LIG1: variants seen among roughly 807,000 people sequenced by gnomAD.
LIG1 encodes the protein DNA ligase 1, also known as ligase I, DNA, ATP-dependent.
Under a neutral mutation model 115.7 loss-of-function variants are expected in LIG1, and 70 were observed. That is an observed-to-expected ratio of 0.60 (90% confidence interval 0.50 to 0.74). The LOEUF (loss-of-function observed/expected upper bound fraction) is 0.74. Ranked by LOEUF, LIG1 falls within the 30% of genes least tolerant of loss-of-function variation. The probability of loss-of-function intolerance (pLI) is 0.00; values close to 1 mark genes in which losing one functional copy is unlikely to be tolerated. For missense variants in LIG1, 1,115 were observed against 1,225.6 expected (o/e 0.91, Z 1.35); for synonymous variants, 487 against 495.3 (o/e 0.98, Z 0.22).
intron 21 of LIG1, among the ~76,000 whole-genome samples, chr19:48,125,891 G>C (rs1241209622): frequency 6.6e-6 from 1 of 151,454 alleles, no homozygotes; most frequent in Non-Finnish European, 1.5e-5. Flanking sequence ...GGGAGGCTGA[G>C]GCAGGGGAAT....
At position 48,153,923 on chromosome 19, in the gene LIG1, C is replaced by G. The variant is rs768688182; in HGVS notation, c.415G>C (p.Glu139Gln). The change falls in exon 6 of 28, where the codon GAG becomes CAG. Residue 139 changes from glutamate (E) to glutamine (Q), a missense_variant. By Grantham distance (29) the Glu-to-Gln change is conservative. Transcript: ENST00000263274. ...PKRTIQEVLE[E>Q]QSEDEDREAK... is the part of the protein sequence containing the mutation. ...TCTCTGTCCTCGTCCTCACTCTGCT[C>G]TTCCAGGACTTCCTGAATGGTCCGT... The G allele has an allele frequency of 6.2e-7, 1 of 1,613,204 alleles. No individual in the cohort carries two copies. Among genetic ancestry groups the G allele is most frequent in the Admixed American group, 1.7e-5 (1 of 59,872 alleles).
At chr19:48,151,083 C>T (rs2122852971) in intron 7 of LIG1, 149 bp downstream of exon 7, 1 of 585,916 alleles carries the variant, frequency 1.7e-6, no homozygotes, top group Non-Finnish European at 3.1e-6. Flanking sequence ...AAAAAAAACC[C>T]GAGTAATAAA....
Position 48,136,071 on chromosome 19 carries a change from G to A in LIG1, c.1386C>T (p.Ala462=), listed in dbSNP as rs772935510. Residue 462 remains alanine, a synonymous_variant, in exon 15 of 28, where the codon GCC becomes GCT. Coordinates refer to ENST00000263274, the MANE Select transcript of LIG1 (RefSeq NM_000234.3). ...LGLAEQSVLA[A]LSQAVSLTPP... ...GCGTGAGGCTCACTGCCTGGGAGAG[G>A]GCAGCCAGCACCGACTGCTCTGCCA... 91 of 1,572,426 alleles carry A rather than the reference G, an allele frequency of 5.8e-5. No homozygotes were observed. The highest frequency in any genetic ancestry group is 7.6e-5 in the Non-Finnish European group (88 of 1,159,502).
At chr19:48,148,046 C>T (rs1698492772) in intron 9 of LIG1, among the ~76,000 whole-genome samples, 1 of 145,414 alleles carries the variant, frequency 6.9e-6, no homozygotes, top group Non-Finnish European at 1.5e-5. Flanking sequence ...TGGGGACACG[C>T]ACCTCCTCTC....
intron 5 of LIG1, among the ~76,000 whole-genome samples, chr19:48,154,828 T>G (rs1194573871): frequency 6.6e-6 from 1 of 152,212 alleles, no homozygotes; most frequent in Non-Finnish European, 1.5e-5. Flanking sequence ...TGTCTCTCCC[T>G]GCTCAAAACC....
At position 48,143,610 on chromosome 19, in the gene LIG1, A is replaced by C. The variant is rs1272016433; in HGVS notation, c.858-11T>G. The C allele has an allele frequency of 1.2e-6, 2 of 1,608,930 alleles. No homozygotes were observed. The highest frequency in any genetic ancestry group is 2.7e-5 in the African/African-American group (2 of 74,396). On this transcript the variant is annotated splice_polypyrimidine_tract_variant and intron_variant, in intron 10 of 27. Coordinates refer to ENST00000263274, the MANE Select transcript of LIG1 (RefSeq NM_000234.3). ...GCCAGGTAAGGAACCCTAGGGAAGG[A>C]AAAGAGACGCAAGAGTGACAGTGGT... is the stretch of plus-strand genomic sequence containing the variant.
At position 48,143,506 on chromosome 19, in the gene LIG1, GACCCCGCCCCCCACCCA is replaced by G; in HGVS notation, c.914+20_914+36del. ...CCATGCAGAGGACAGACCCAGAAGC[GACCCCGCCCCCCACCCA>G]GGCAGTCCTCATTAGTTACCGAGCA... On this transcript the variant is annotated intron_variant, in intron 11 of 27. Transcript: ENST00000263274. 2.2e-6 allele frequency: 2 copies of G among 898,150 alleles called. No homozygotes were observed. Among genetic ancestry groups the G allele is most frequent in the Non-Finnish European group, 3.7e-6 (2 of 535,714 alleles). The allele number at this position is 898,150 out of a possible 1,614,324, so 55.6% of individuals were successfully genotyped here.
Position 48,153,941 on chromosome 19 carries a change from T to C in LIG1, c.397A>G (p.Ile133Val), listed in dbSNP as rs1191911530. The part of the protein sequence containing the change: ...TARKQLPKRT[I>V]QEVLEEQSED... ...CTCTGCTCTTCCAGGACTTCCTGAA[T>C]GGTCCGTTTCGGGAGCTGCTTCCGA... Residue 133 changes from isoleucine to valine, a missense_variant, in exon 6 of 28, where the codon ATT becomes GTT. Physicochemically the swap from Ile to Val is conservative, Grantham distance 29 (BLOSUM62 3). Coordinates refer to ENST00000263274, the MANE Select transcript of LIG1 (RefSeq NM_000234.3). 1 of 1,613,876 alleles carries C rather than the reference T, an allele frequency of 6.2e-7. No individual in the cohort carries two copies. The highest frequency in any genetic ancestry group is 8.5e-7 in the Non-Finnish European group (1 of 1,179,888).
chr19:48,131,298 C>A (rs1289878689), intron 18 of LIG1, 127 bp from the exon 19 acceptor site: 1 of 701,066 alleles, frequency 1.4e-6, no homozygotes, highest in Non-Finnish European at 2.6e-6. Flanking sequence ...GGTGCAGAGA[C>A]TTGAGCGAAT....
In LIG1 at chr19:48,137,839, G is replaced by T; in HGVS notation, c.1088-151C>A. On this transcript the variant is annotated intron_variant, in intron 12 of 27. Coordinates refer to ENST00000263274, the MANE Select transcript of LIG1 (RefSeq NM_000234.3). The surrounding 1 kb of genome is among the most constrained non-coding windows in gnomAD (Gnocchi z 4.3). ...GTGTCTAACGCTCACCCACTTGGTA[G>T]AAATGGCTTGGGGAACGTGCCCCCA... The T allele has an allele frequency of 1.0e-6, 1 of 994,758 alleles. No individual in the cohort carries two copies. Among genetic ancestry groups the T allele is most frequent in the Non-Finnish European group, 1.5e-6 (1 of 669,362 alleles). 61.6% of individuals were successfully genotyped at this position (994,758 alleles called of 1,614,324 possible). A position where few individuals can be genotyped will look rare whatever the true frequency, so the allele number is the denominator to read the frequency against.
intron 14 of LIG1, among the ~76,000 whole-genome samples, chr19:48,136,487 CCTTG>C (rs1325730147): frequency 6.6e-6 from 1 of 152,154 alleles, no homozygotes; most frequent in Non-Finnish European, 1.5e-5. Flanking sequence ...CCAGCATGGT[CCTTG>C]CTTTGAGCCA....
chr19:48,117,721 G>C lies in LIG1; in HGVS notation c.2500C>G (p.His834Asp). Reference sequence around the variant, plus strand: ...CACACAGCGCTGGGGTCCAGCCAGTGGTCGGGAATCACAGCGCCATCTATC... The same window carrying C: ...CACACAGCGCTGGGGTCCAGCCAGTCGTCGGGAATCACAGCGCCATCTATC... ...VRIDGAVIPD[H>D]WLDPSAVWEV... is the part of the protein sequence containing the mutation. The change falls in exon 26 of 28, where the codon CAC (histidine) becomes GAC (aspartate). Residue 834 changes from histidine to aspartate, a missense_variant. By Grantham distance (81) the His-to-Asp change is moderately conservative. Coordinates refer to ENST00000263274, the MANE Select transcript of LIG1 (RefSeq NM_000234.3). The C allele has an allele frequency of 6.2e-7, 1 of 1,613,102 alleles. No individual in the cohort carries two copies. Among genetic ancestry groups the C allele is most frequent in the Non-Finnish European group, 8.5e-7 (1 of 1,179,780 alleles).
chr19:48,135,920 G>C (rs2034355245), intron 15 of LIG1, 114 bp downstream of exon 15: 2 of 922,436 alleles, frequency 2.2e-6, no homozygotes, highest in Admixed American at 4.2e-5. Flanking sequence ...GGAGAGAGGA[G>C]CCTGGTATGG....
intron 20 of LIG1, chr19:48,127,576 T>C (rs2033753766): frequency 1.6e-6 from 1 of 612,414 alleles, no homozygotes; most frequent in Admixed American, 2.7e-5. Context: ...TAGACTTTTC[T>C]GCAGCTAATG....
chr19:48,134,858 G>C (rs528994542), intron 16 of LIG1, among the ~76,000 whole-genome samples: 4 of 152,352 alleles, frequency 2.6e-5, no homozygotes, highest in African/African-American at 9.6e-5. Flanking sequence ...GGTGCTCTGA[G>C]GCCATCTGTG....
chr19:48,141,559 C>G (rs772551545), intron 11 of LIG1, among the ~76,000 whole-genome samples: 1 of 152,132 alleles, frequency 6.6e-6, no homozygotes, highest in African/African-American at 2.4e-5. Flanking sequence ...GGTCACAGAG[C>G]GAGTAAGTAT....
At chr19:48,132,830 T>C (rs142813274) in intron 18 of LIG1, 152 bp downstream of exon 18, 9 of 563,012 alleles carry the variant, frequency 1.6e-5, no homozygotes, top group African/African-American at 4.8e-5. Flanking sequence ...ACACACTCAC[T>C]GCATGGAGGT....
At chr19:48,123,422 G>A (rs2033439300) in intron 21 of LIG1, 104 bp from the exon 22 acceptor site, 4 of 1,354,538 alleles carry the variant, frequency 3.0e-6, no homozygotes, top group Non-Finnish European at 4.1e-6. Context: ...CACAACTAGT[G>A]ACAGGGTTCG....
At chr19:48,141,485 CATT>C (rs1218175080) in intron 11 of LIG1, among the ~76,000 whole-genome samples, 1 of 152,158 alleles carries the variant, frequency 6.6e-6, no homozygotes, top group Non-Finnish European at 1.5e-5. Flanking sequence ...AGGTAGGTAC[CATT>C]ATTATTTCCA....
Sources: allele counts gnomAD v4.1 joint callset (sites outside exome capture counted in the v4.1 genomes callset), GRCh38; gene constraint gnomAD v4.1.1; non-coding constraint Gnocchi (gnomAD v3.1); transcripts MANE v1.5; gene names NCBI Gene and HGNC (gene_info 2026-07-23, HGNC 2026-07-21).